Variants in MAGI1 observed in about 807,000 individuals in gnomAD.
MAGI1 encodes the protein membrane associated guanylate kinase, WW and PDZ domain containing 1, also known as membrane-associated guanylate kinase, WW and PDZ domain-containing protein 1.
MAGI1 carries 58 observed loss-of-function variants against 139.9 expected under a neutral mutation model. That is an observed-to-expected ratio of 0.41 (90% CI 0.34 to 0.52). MAGI1 has a LOEUF of 0.52. Among genes scored for constraint, MAGI1 ranks in the 20% least tolerant of loss-of-function variants. The probability of loss-of-function intolerance (pLI) is 0.12; values close to 1 mark genes in which losing one functional copy is unlikely to be tolerated. For missense variants in MAGI1, 1,874 were observed against 1,901.6 expected (o/e 0.99, Z 0.27); for synonymous variants, 812 against 737.9 (o/e 1.10, Z -1.63).
chr3:65,702,126 C>A (rs2089659151), intron 1 of MAGI1, among the ~76,000 whole-genome samples: 1 of 152,048 alleles, frequency 6.6e-6, no homozygotes, highest in Admixed American at 6.6e-5. Flanking sequence ...GTATTCAGTA[C>A]CTGTGTTTAC....
intron 1 of MAGI1, among the ~76,000 whole-genome samples, chr3:66,030,586 G>C (rs1363217816): frequency 6.6e-6 from 1 of 152,162 alleles, no homozygotes; most frequent in Non-Finnish European, 1.5e-5. Context: ...GTGGAGTTAT[G>C]GTTTTCAATA....
At chr3:65,397,389 C>G (rs1435586711) in intron 13 of MAGI1, among the ~76,000 whole-genome samples, 1 of 152,132 alleles carries the variant, frequency 6.6e-6, no homozygotes, top group Non-Finnish European at 1.5e-5. Context: ...GGAACAAAAA[C>G]CTATCACTGT....
At chr3:65,559,241 T>C (rs559986398) in intron 2 of MAGI1, among the ~76,000 whole-genome samples, 2 of 152,332 alleles carry the variant, frequency 1.3e-5, no homozygotes, top group South Asian at 4.1e-4. Flanking sequence ...ATTCATTACA[T>C]TAAATAACAT....
intron 9 of MAGI1, among the ~76,000 whole-genome samples, chr3:65,438,249 C>T (rs771782491): frequency 6.6e-6 from 1 of 152,090 alleles, no homozygotes; most frequent in Non-Finnish European, 1.5e-5. Context: ...AACTAGAGAC[C>T]ATTACCTTAA....
chr3:66,010,960 G>C (rs763420881), intron 1 of MAGI1, among the ~76,000 whole-genome samples: 2 of 152,208 alleles, frequency 1.3e-5, no homozygotes, highest in African/African-American at 4.8e-5. Flanking sequence ...CTCAGAGGAA[G>C]CCAAGTGTTA....
At chr3:65,448,199 T>G in intron 6 of MAGI1, 142 bp from the exon 7 acceptor site, 1 of 782,408 alleles carries the variant, frequency 1.3e-6, no homozygotes, top group East Asian at 2.5e-5. Flanking sequence ...GTGGCTTATT[T>G]CATTGGCTTG....
chr3:65,893,446 G>C (rs1312996798), intron 1 of MAGI1, among the ~76,000 whole-genome samples: 4 of 151,730 alleles, frequency 2.6e-5, no homozygotes, highest in African/African-American at 9.7e-5. Flanking sequence ...TTAACGTTAA[G>C]TTTCTTCATG....
intron 1 of MAGI1, among the ~76,000 whole-genome samples, chr3:65,663,447 T>C (rs2086318368): frequency 6.6e-6 from 1 of 152,178 alleles, no homozygotes; most frequent in Non-Finnish European, 1.5e-5. Flanking sequence ...ATGTTTGAAA[T>C]ATAGCACAAT....
intron 1 of MAGI1, among the ~76,000 whole-genome samples, chr3:65,958,069 T>C (rs1017695505): frequency 3.3e-5 from 5 of 152,148 alleles, no homozygotes; most frequent in Non-Finnish European, 5.9e-5. Context: ...TAGTTCTTGA[T>C]TGAACTGTTG....
chr3:65,388,157 A>C (rs1342388077), intron 14 of MAGI1, among the ~76,000 whole-genome samples: 1 of 152,210 alleles, frequency 6.6e-6, no homozygotes, highest in African/African-American at 2.4e-5. Flanking sequence ...AGGATTCATG[A>C]ACACATTTGT....
chr3:65,734,224 G>C (rs533347366), intron 1 of MAGI1, among the ~76,000 whole-genome samples: 2 of 152,204 alleles, frequency 1.3e-5, no homozygotes, highest in South Asian at 4.1e-4. Context: ...GGAGGCTGAG[G>C]CAGGAGGTGG....
rs1341127629 is a variant in MAGI1, at chr3:65,379,381, T to C, written c.2875A>G (p.Ser959Gly). ...SGIGSGGGGG[S>G]GVVSTVVQPY... ...TGCACCACGGTGCTGACCACGCCGC[T>C]GCCCCCGCCGCCGCCACTGCCGATG... Residue 959 changes from serine (S) to glycine (G), a missense_variant, in exon 17 of 23, where the codon AGC becomes GGC. Ser to Gly is a moderately conservative substitution (Grantham distance 56, BLOSUM62 0). Around this residue, in one of 5 missense-constraint regions of MAGI1, gnomAD observed 482 missense variants for 509.6 expected, o/e 0.95. Coordinates refer to ENST00000402939, the MANE Select transcript of MAGI1 (RefSeq NM_001033057.2). 1.1e-5 allele frequency: 17 copies of C among 1,612,416 alleles called. No individual in the cohort carries two copies. Among genetic ancestry groups the C allele is most frequent in the East Asian group, 2.2e-5 (1 of 44,842 alleles).
At chr3:65,366,421 A>C (rs1941420757) in intron 18 of MAGI1, among the ~76,000 whole-genome samples, 1 of 152,172 alleles carries the variant, frequency 6.6e-6, no homozygotes. Context: ...GTTTTGGGAC[A>C]ATGTTTCCCA....
intron 1 of MAGI1, among the ~76,000 whole-genome samples, chr3:65,930,015 C>A (rs1192029644): frequency 1.3e-5 from 2 of 152,064 alleles, no homozygotes; most frequent in Non-Finnish European, 2.9e-5. Flanking sequence ...GGGCAAATCA[C>A]ATTAAAAATT....
intron 2 of MAGI1, among the ~76,000 whole-genome samples, chr3:65,601,803 A>C (rs2082496627): frequency 6.8e-6 from 1 of 146,836 alleles, no homozygotes; most frequent in Non-Finnish European, 1.5e-5. Flanking sequence ...CAATATCACC[A>C]AGTTAGTGAA....
At chr3:65,807,490 G>A (rs55856805) in intron 1 of MAGI1, among the ~76,000 whole-genome samples, 41,669 of 152,026 alleles carry the variant, frequency 0.27, 6,017 homozygotes, top group East Asian at 0.4. Context: ...GTTTCAACAC[G>A]ATTCCGGGGC....
chr3:65,398,047 G>A (rs1575607076), intron 13 of MAGI1, among the ~76,000 whole-genome samples: 2 of 151,816 alleles, frequency 1.3e-5, no homozygotes, highest in Admixed American at 6.6e-5. Flanking sequence ...ATCAATACAC[G>A]GTTTGTTTGC....
chr3:65,470,483 G>A lies in MAGI1; in HGVS notation c.759C>T (p.Ala253=), dbSNP rs747923821. ...TGTGCTCCTCTTGTTCACCAGAATCGGCTGCTTAATCATGTGAAGAGGTGA... is the reference window on the plus strand; with the variant it reads ...TGTGCTCCTCTTGTTCACCAGAATCAGCTGCTTAATCATGTGAAGAGGTGA... ...DVPEMNSSFT[A]DSGEQEEHTL... is the part of the protein sequence containing the mutation. The change falls in exon 5 of 23, where the codon GCC becomes GCT. Residue 253 remains alanine, a splice_region_variant and synonymous_variant. Transcript: ENST00000402939. 150 of 1,610,026 alleles carry A rather than the reference G, an allele frequency of 9.3e-5. No homozygotes were observed. Among genetic ancestry groups the A allele is most frequent in the Non-Finnish European group, 1.1e-4 (134 of 1,177,934 alleles).
At chr3:65,607,086 A>C (rs559384159) in intron 2 of MAGI1, among the ~76,000 whole-genome samples, 4 of 151,908 alleles carry the variant, frequency 2.6e-5, no homozygotes, top group Non-Finnish European at 5.9e-5. Context: ...CATTTTCTAT[A>C]TATTTTGAAA....
Sources: allele counts gnomAD v4.1 joint callset (sites outside exome capture counted in the v4.1 genomes callset), GRCh38; gene constraint gnomAD v4.1.1; regional missense constraint gnomAD v4.1.1; transcripts MANE v1.5; gene names NCBI Gene and HGNC (gene_info 2026-07-23, HGNC 2026-07-21).